LARGE1: variants seen among roughly 807,000 people sequenced by gnomAD.
LARGE1 encodes xylosyl- and glucuronyltransferase LARGE1.
In LARGE1, 43 loss-of-function variants were observed where a neutral mutation model predicts 87.6. The ratio of observed to expected loss-of-function variants is 0.49; its 90% confidence interval spans 0.38 to 0.63. LARGE1 has a LOEUF of 0.63. Ranked by LOEUF, LARGE1 falls within the 30% of genes least tolerant of loss-of-function variation. The pLI, the probability that LARGE1 is intolerant of heterozygous loss-of-function variation, is 0.00. For synonymous variants in LARGE1, 434 were observed against 394.6 expected (o/e 1.10, Z -1.18); for missense variants, 802 against 1,000.2 (o/e 0.80, Z 2.67).
intron 6 of LARGE1, among the ~76,000 whole-genome samples, chr22:33,560,949 G>C (rs2077838452): frequency 6.6e-6 from 1 of 151,974 alleles, no homozygotes; most frequent in African/African-American, 2.4e-5. Flanking sequence ...CGAGTAGCTG[G>C]GACTACAGGC....
intron 10 of LARGE1, among the ~76,000 whole-genome samples, chr22:33,335,563 A>T (rs925813407): frequency 1.3e-5 from 2 of 152,218 alleles, no homozygotes; most frequent in Non-Finnish European, 2.9e-5. Flanking sequence ...ATAAAAAATA[A>T]CTATAAAAAC....
chr22:33,249,823 C>T (rs2145712614), intron 11 of LARGE1, among the ~76,000 whole-genome samples: 1 of 152,256 alleles, frequency 6.6e-6, no homozygotes, highest in Non-Finnish European at 1.5e-5. Flanking sequence ...TGTACTTGCT[C>T]CTTTGTCAAA....
At chr22:33,110,841 A>C in the LARGE1 span, among the ~76,000 whole-genome samples, 1 of 152,070 alleles carries the variant, frequency 6.6e-6, no homozygotes, top group African/African-American at 2.4e-5. Flanking sequence ...TGCCAAGCTG[A>C]TGGTGGTTTG....
rs780383056 is a variant in LARGE1 at position 33,304,407 on chromosome 22, G to T, written c.1552C>A (p.Gln518Lys). 6.2e-7 allele frequency: 1 copy of T among 1,614,254 alleles called. No individual in the cohort carries two copies. Among genetic ancestry groups the T allele is most frequent in the South Asian group, 1.1e-5 (1 of 91,090 alleles). ...CGGCTCATAAGCACCTCAGAGCCCT[G>T]TGCGTAGCGGAGGAACTGCTGGGCC... ...AEAQQFLRYA[Q>K]GSEVLMSRHN... The change falls in exon 12 of 15, where the codon CAG (glutamine) becomes AAG (lysine). Residue 518 changes from glutamine to lysine, a missense_variant. Physicochemically the swap from Gln to Lys is moderately conservative, Grantham distance 53. Around this residue, in one of 2 missense-constraint regions of LARGE1, gnomAD observed 625 missense variants for 841.9 expected, o/e 0.74. Transcript: ENST00000397394.
chr22:33,132,451 G>C, the LARGE1 span, among the ~76,000 whole-genome samples: 1 of 148,350 alleles, frequency 6.7e-6, no homozygotes, highest in African/African-American at 2.5e-5. Flanking sequence ...CCAAAGTGCT[G>C]GAATTACAGG....
chr22:33,920,509 G>A (rs1378009268), upstream of LARGE1: 7 of 145,600 alleles, frequency 4.8e-5, no homozygotes, highest in Non-Finnish European at 7.6e-5. Context: ...GGCGGCGCGG[G>A]GGGGGCTGCA....
Position 33,920,210 on chromosome 22 carries a change from C to T in LARGE1, c.-298G>A, listed in dbSNP as rs960459901. 1 of 152,820 alleles carries T rather than the reference C, an allele frequency of 6.5e-6. No homozygotes were observed. The highest frequency in any genetic ancestry group is 2.1e-4 in the South Asian group (1 of 4,846). 9.5% of individuals were successfully genotyped at this position (152,820 alleles called of 1,614,324 possible). On this transcript the variant is annotated 5_prime_UTR_variant, in exon 1 of 15. Coordinates refer to ENST00000397394, the MANE Select transcript of LARGE1 (RefSeq NM_133642.5). The stretch of plus-strand genomic sequence containing the variant: ...CCCAAGCTGAGCACTGTCCCTTCTT[C>T]CTCTTCCTCCGGGGCCGCTGCCTGG...
At chr22:33,434,221 T>C (rs2067183618) in intron 6 of LARGE1, among the ~76,000 whole-genome samples, 1 of 152,204 alleles carries the variant, frequency 6.6e-6, no homozygotes. Flanking sequence ...ACAATGAGGA[T>C]GGGAAGTGTC....
At chr22:33,414,237 C>T (rs2066409216) in intron 7 of LARGE1, among the ~76,000 whole-genome samples, 2 of 152,010 alleles carry the variant, frequency 1.3e-5, no homozygotes, top group Admixed American at 1.3e-4. Context: ...CATGATTCTG[C>T]TCATATGAGA....
At chr22:33,530,508 T>C (rs151305249) in intron 6 of LARGE1, among the ~76,000 whole-genome samples, 24 of 151,422 alleles carry the variant, frequency 1.6e-4, no homozygotes, top group African/African-American at 5.3e-4. Context: ...CTAATGATAC[T>C]GTTTTTATAT....
intron 1 of LARGE1, among the ~76,000 whole-genome samples, chr22:33,853,207 G>A (rs538816026): frequency 3.0e-4 from 45 of 152,232 alleles, no homozygotes; most frequent in South Asian, 2.7e-3. Flanking sequence ...ATAGAACCAG[G>A]TGGAACGTGG....
At chr22:33,734,661 G>A (rs1013429684) in intron 2 of LARGE1, among the ~76,000 whole-genome samples, 1 of 152,116 alleles carries the variant, frequency 6.6e-6, no homozygotes, top group African/African-American at 2.4e-5. Context: ...GTTTCAATGA[G>A]GGAGAGGAGT....
At chr22:33,370,415 A>G (rs751751107) in intron 9 of LARGE1, among the ~76,000 whole-genome samples, 11 of 152,200 alleles carry the variant, frequency 7.2e-5, no homozygotes, top group Non-Finnish European at 1.6e-4. Context: ...TGAAGAAAGG[A>G]AACAAAAAAA....
At chr22:33,568,781 A>G (rs1021368042) in intron 5 of LARGE1, among the ~76,000 whole-genome samples, 3 of 151,850 alleles carry the variant, frequency 2.0e-5, no homozygotes, top group African/African-American at 7.2e-5. Flanking sequence ...AAAAAAAAAA[A>G]AAAATAAGCA....
intron 6 of LARGE1, among the ~76,000 whole-genome samples, chr22:33,518,462 C>T (rs187687968): frequency 1.3e-5 from 2 of 152,228 alleles, no homozygotes; most frequent in African/African-American, 2.4e-5. Context: ...GCACATGCCA[C>T]CATGCCTGGC....
chr22:33,232,065 G>T (rs1219657283), intron 11 of LARGE1, among the ~76,000 whole-genome samples: 1 of 152,172 alleles, frequency 6.6e-6, no homozygotes, highest in Non-Finnish European at 1.5e-5. Context: ...TAGCAGAGGG[G>T]TCAGGATTCC....
intron 6 of LARGE1, among the ~76,000 whole-genome samples, chr22:33,487,322 G>A (rs1959605666): frequency 6.6e-6 from 1 of 152,166 alleles, no homozygotes; most frequent in Non-Finnish European, 1.5e-5. Flanking sequence ...GCTGCTTCCT[G>A]TCCTCATCAC....
At chr22:33,699,858 A>C (rs2082355472) in intron 2 of LARGE1, among the ~76,000 whole-genome samples, 1 of 152,194 alleles carries the variant, frequency 6.6e-6, no homozygotes, top group South Asian at 2.1e-4. Flanking sequence ...GTTTGGAAAA[A>C]AATTGAAAAA....
At chr22:33,439,145 C>T (rs1301431016) in intron 6 of LARGE1, among the ~76,000 whole-genome samples, 3 of 149,426 alleles carry the variant, frequency 2.0e-5, no homozygotes, top group Admixed American at 6.8e-5. Context: ...ACTTGGGAGG[C>T]GGAGGCTGCA....
Sources: gnomAD v4.1 joint callset for allele counts (sites outside exome capture counted in the v4.1 genomes callset) on GRCh38, gnomAD v4.1.1 for gene constraint, gnomAD v4.1.1 regional missense constraint, MANE v1.5 for transcripts, NCBI Gene and HGNC (gene_info 2026-07-23, HGNC 2026-07-21) for gene names.